Variants in SLCO4A1 observed in about 807,000 individuals in gnomAD.
SLCO4A1 encodes the protein solute carrier organic anion transporter family member 4A1, also known as colon organic anion transporter.
A neutral mutation model predicts 64.6 loss-of-function variants in SLCO4A1; 51 were observed. The observed-to-expected ratio is 0.79, with a 90% CI of 0.63 to 1.00. The LOEUF (loss-of-function observed/expected upper bound fraction) is 1.00. SLCO4A1 is among the 50% of genes least tolerant of loss of function. The pLI, the probability that SLCO4A1 is intolerant of heterozygous loss-of-function variation, is 0.00. For synonymous variants in SLCO4A1, 471 were observed against 444.9 expected (o/e 1.06, Z -0.74); for missense variants, 919 against 980.5 (o/e 0.94, Z 0.84).
intron 10 of SLCO4A1, 151 bp from the exon 11 acceptor site, chr20:62,668,779 G>A: frequency 1.2e-6 from 1 of 848,706 alleles, no homozygotes; most frequent in Non-Finnish European, 1.8e-6. Context: ...CCCAAAGAAA[G>A]GAACGTTTAA....
At chr20:62,660,364 G>A (rs1601642075) in intron 3 of SLCO4A1, 48 bp from the exon 4 acceptor site, 2 of 1,586,128 alleles carry the variant, frequency 1.3e-6, no homozygotes, top group African/African-American at 1.3e-5. Flanking sequence ...GCCATGGAGG[G>A]CACAGGTGGG....
At chr20:62,673,847 G>C (rs1987455344), downstream of SLCO4A1, among the ~76,000 whole-genome samples, 1 of 152,212 alleles carries the variant, frequency 6.6e-6, no homozygotes, top group Admixed American at 6.5e-5. Context: ...ACCCACAAAG[G>C]CTTTGACATA....
intron 3 of SLCO4A1, among the ~76,000 whole-genome samples, chr20:62,659,788 G>A (rs1984427282): frequency 6.6e-6 from 1 of 152,190 alleles, no homozygotes; most frequent in South Asian, 2.1e-4. Context: ...CTGGCCTTTT[G>A]CCCTCCCGCC....
intron 2 of SLCO4A1, among the ~76,000 whole-genome samples, chr20:62,684,161 C>CACGCAAAG (rs1569157858): frequency 6.6e-6 from 1 of 152,250 alleles, no homozygotes; most frequent in Non-Finnish European, 1.5e-5. Context: ...CACACACACT[C>CACGCAAAG]ATCCCCCAAC....
chr20:62,649,159 A>G (rs1302859314), intron 1 of SLCO4A1: 1 of 152,276 alleles, frequency 6.6e-6, no homozygotes, highest in Non-Finnish European at 1.5e-5. Flanking sequence ...CAAGAACCAG[A>G]GAAATGCTGC....
intron 10 of SLCO4A1, 152 bp from the exon 11 acceptor site, chr20:62,668,778 A>C: frequency 1.2e-6 from 1 of 839,334 alleles, no homozygotes; most frequent in Non-Finnish European, 1.8e-6. Context: ...GCCCAAAGAA[A>C]GGAACGTTTA....
Position 62,645,387 on chromosome 20 carries a change from G to A in SLCO4A1, c.-97+2834G>A, listed in dbSNP as rs1981119312. ...AGACTGGGACTACAAAGAACAACCTGGTCCTGGGGACCCTGCTGCCTTCTC... is the reference window on the plus strand; with the variant it reads ...AGACTGGGACTACAAAGAACAACCTAGTCCTGGGGACCCTGCTGCCTTCTC... On this transcript the variant is annotated intron_variant, in intron 1 of 11. Coordinates refer to ENST00000217159, the MANE Select transcript of SLCO4A1 (RefSeq NM_016354.4). The surrounding 1 kb of genome is among the most constrained non-coding windows in gnomAD (Gnocchi z 4.2). 6.6e-6 allele frequency among the ~76,000 whole-genome samples: 1 copy of A among 151,620 alleles called. No individual in the cohort carries two copies. Among genetic ancestry groups the A allele is most frequent in the Admixed American group, 6.6e-5 (1 of 15,256 alleles).
chr20:62,668,928 A>AG lies in SLCO4A1; in HGVS notation c.1880dup. 2 of 1,602,202 alleles carry AG rather than the reference A, an allele frequency of 1.2e-6. No homozygotes were observed. Among genetic ancestry groups the AG allele is most frequent in the Non-Finnish European group, 8.5e-7 (1 of 1,179,606 alleles). On this transcript the variant is annotated splice_acceptor_variant, in intron 10 of 11. Transcript: ENST00000217159. LOFTEE classifies it high-confidence loss of function. Reference sequence around the variant, plus strand: ...GGGTGCTGAGTGGGCTTCTCTCCGCAGGGGGCATCCCGGGGCCCATCGCCT... The same window carrying AG: ...GGGTGCTGAGTGGGCTTCTCTCCGCAGGGGGGCATCCCGGGGCCCATCGCCT...
In SLCO4A1 at chr20:62,656,700, G is replaced by C; in HGVS notation, c.246G>C (p.Gln82His). ...AGGTGCGGTACGTCTCGGCCGGGCAGAGCGTGGCGTGCGGCTGGTGGGCCT... is the reference window on the plus strand; with the variant it reads ...AGGTGCGGTACGTCTCGGCCGGGCACAGCGTGGCGTGCGGCTGGTGGGCCT... ...THEVRYVSAGQSVACGWWAFA... is the reference protein window; with the variant it reads ...THEVRYVSAGHSVACGWWAFA... The change falls in exon 2 of 12, where the codon CAG (glutamine) becomes CAC (histidine). Residue 82 changes from glutamine to histidine, a missense_variant. Coordinates refer to ENST00000217159, the MANE Select transcript of SLCO4A1 (RefSeq NM_016354.4). 6.2e-7 allele frequency: 1 copy of C among 1,610,262 alleles called. No homozygotes were observed. Among genetic ancestry groups the C allele is most frequent in the Non-Finnish European group, 8.5e-7 (1 of 1,178,764 alleles).
downstream of SLCO4A1, among the ~76,000 whole-genome samples, chr20:62,676,389 T>C (rs1216100877): frequency 6.6e-6 from 1 of 152,240 alleles, no homozygotes; most frequent in East Asian, 1.9e-4. Flanking sequence ...CACTGCACTC[T>C]GGCCTGGGTG....
In SLCO4A1 at chr20:62,665,239, C is replaced by T. The variant is rs530252239; in HGVS notation, c.1276+151C>T. 9.9e-5 allele frequency: 79 copies of T among 800,736 alleles called. 1 individual carries two copies. The highest frequency in any genetic ancestry group is 4.0e-4 in the South Asian group (22 of 55,352). 49.6% of individuals were successfully genotyped at this position (800,736 alleles called of 1,614,324 possible). A position where few individuals can be genotyped will look rare whatever the true frequency, so the allele number is the denominator to read the frequency against. ...GCCAGAGCAGGTGTGGAGAGCGCCA[C>T]GGGGGCTGAGCGACTCTGTCCACAG... On this transcript the variant is annotated intron_variant, in intron 6 of 11. Transcript: ENST00000217159.
chr20:62,680,891 T>G (rs1231109869), intron 2 of SLCO4A1, among the ~76,000 whole-genome samples: 1 of 152,208 alleles, frequency 6.6e-6, no homozygotes, highest in Admixed American at 6.5e-5. Flanking sequence ...ATAAAATAAC[T>G]TGGGAAATGT....
intron 1 of SLCO4A1, among the ~76,000 whole-genome samples, chr20:62,654,695 C>A (rs1983316599): frequency 6.6e-6 from 1 of 152,116 alleles, no homozygotes; most frequent in Non-Finnish European, 1.5e-5. Context: ...GTTTCGTGGG[C>A]TGAATAAGCT....
Position 62,644,166 on chromosome 20 carries a change from C to T in SLCO4A1, c.-97+1613C>T, listed in dbSNP as rs985190563. Among the ~76,000 whole-genome samples the T allele has an allele frequency of 3.9e-5, 6 of 152,218 alleles. No homozygotes were observed. The highest frequency in any genetic ancestry group is 1.4e-4 in the African/African-American group (6 of 41,456). On this transcript the variant is annotated intron_variant, in intron 1 of 11. Coordinates refer to ENST00000217159, the MANE Select transcript of SLCO4A1 (RefSeq NM_016354.4). The surrounding 1 kb of genome is among the most constrained non-coding windows in gnomAD (Gnocchi z 5.4). ...CGCAGGACACCAGTAGGATGTTGCT[C>T]GGGCCGAGACCACACAGCCCGACTT...
rs770713005 is a variant in SLCO4A1 at position 62,668,190 on chromosome 20, C to G, written c.1811+6C>G. ...GCACTAACGGCAACTCTACGGTAAG[C>G]TGGGGTCGGGTGTGCGCTTGTCCAG... On this transcript the variant is annotated splice_donor_region_variant and intron_variant, in intron 9 of 11. Transcript: ENST00000217159. The G allele has an allele frequency of 1.9e-6, 3 of 1,613,518 alleles. No individual in the cohort carries two copies. The highest frequency in any genetic ancestry group is 2.5e-6 in the Non-Finnish European group (3 of 1,179,774).
chr20:62,650,988 T>C (rs1256691627), intron 1 of SLCO4A1, among the ~76,000 whole-genome samples: 1 of 152,176 alleles, frequency 6.6e-6, no homozygotes, highest in South Asian at 2.1e-4. Context: ...TTAGGACGTA[T>C]CCATGTGAGG....
At chr20:62,652,894 C>T (rs1601619795) in intron 1 of SLCO4A1, among the ~76,000 whole-genome samples, 1 of 152,222 alleles carries the variant, frequency 6.6e-6, no homozygotes, top group South Asian at 2.1e-4. Context: ...CGAGCGTGCA[C>T]GGCTCTTTCA....
chr20:62,671,177 C>G (rs188937150), intron 11 of SLCO4A1, among the ~76,000 whole-genome samples: 1 of 152,204 alleles, frequency 6.6e-6, no homozygotes, highest in Admixed American at 6.5e-5. Flanking sequence ...TGGTGACCGG[C>G]GACTGGCTCT....
At chr20:62,679,203 C>G (rs1044333535) in intron 2 of SLCO4A1, among the ~76,000 whole-genome samples, 2 of 152,146 alleles carry the variant, frequency 1.3e-5, no homozygotes, top group African/African-American at 4.8e-5. Flanking sequence ...GACTCTGTCT[C>G]AGACAAACAA....
Sources: allele counts gnomAD v4.1 joint callset (sites outside exome capture counted in the v4.1 genomes callset), GRCh38; gene constraint gnomAD v4.1.1; non-coding constraint Gnocchi (gnomAD v3.1); transcripts MANE v1.5; gene names NCBI Gene and HGNC (gene_info 2026-07-23, HGNC 2026-07-21).